The following RASAL2 variants were observed in gnomAD, a reference collection of about 807,000 sequenced individuals.
RASAL2 encodes the protein ras GTPase-activating protein nGAP.
In RASAL2, 58 loss-of-function variants were observed where a neutral mutation model predicts 128.9. The observed-to-expected ratio is 0.45, with a 90% confidence interval of 0.36 to 0.56. The LOEUF is 0.56. RASAL2 is among the 20% of genes least tolerant of loss of function. The probability of loss-of-function intolerance (pLI) is 0.00; values close to 1 mark genes in which losing one functional copy is unlikely to be tolerated. For missense variants in RASAL2, 1,360 were observed against 1,601.6 expected (o/e 0.85, Z 2.57); for synonymous variants, 561 against 580.8 (o/e 0.97, Z 0.49).
At chr1:178,156,764 A>T (rs1339349328) in intron 1 of RASAL2, among the ~76,000 whole-genome samples, 5 of 152,196 alleles carry the variant, frequency 3.3e-5, no homozygotes, top group Admixed American at 2.6e-4. Context: ...ATTCTTTTTT[A>T]AAAAACACAG....
intron 1 of RASAL2, among the ~76,000 whole-genome samples, chr1:178,102,397 G>A (rs1291856827): frequency 6.6e-6 from 1 of 151,804 alleles, no homozygotes; most frequent in African/African-American, 2.4e-5. Flanking sequence ...CATAGCTCAT[G>A]CCCAGGTTGG....
intron 1 of RASAL2, among the ~76,000 whole-genome samples, chr1:178,171,185 A>G (rs1404160305): frequency 6.6e-6 from 1 of 151,966 alleles, no homozygotes; most frequent in Non-Finnish European, 1.5e-5. Context: ...TCCTTAAGAC[A>G]TGAGTTGAAA....
intron 3 of RASAL2, among the ~76,000 whole-genome samples, chr1:178,371,769 T>C (rs960365413): frequency 6.6e-6 from 1 of 152,178 alleles, no homozygotes; most frequent in Admixed American, 6.5e-5. Context: ...AATTTGTTCT[T>C]TTGTCTTTGT....
At chr1:178,387,545 C>G (rs1672655294) in intron 3 of RASAL2, among the ~76,000 whole-genome samples, 1 of 149,768 alleles carries the variant, frequency 6.7e-6, no homozygotes, top group Non-Finnish European at 1.5e-5. Flanking sequence ...CCACAACAGT[C>G]CCCGGAGTGT....
chr1:178,160,432 T>C (rs1571563053), intron 1 of RASAL2, among the ~76,000 whole-genome samples: 1 of 152,128 alleles, frequency 6.6e-6, no homozygotes, highest in African/African-American at 2.4e-5. Context: ...GTCAGGAGTT[T>C]GAGACCAGCC....
intron 3 of RASAL2, among the ~76,000 whole-genome samples, chr1:178,371,329 C>CACACACACAAACACACACACAAAT (rs1367870400): frequency 1.9e-4 from 26 of 140,084 alleles, no homozygotes; most frequent in Non-Finnish European, 2.4e-4. Flanking sequence ...TTCCCACACA[C>CACACACACAAACACACACACAAAT]ACACACACAC....
intron 1 of RASAL2, among the ~76,000 whole-genome samples, chr1:178,186,144 TATC>T (rs907100168): frequency 1.4e-4 from 22 of 152,144 alleles, no homozygotes; most frequent in Non-Finnish European, 2.8e-4. Flanking sequence ...TCATTTAAGT[TATC>T]ATATTTATGG....
chr1:178,445,189 G>A (rs1441273416), intron 8 of RASAL2, among the ~76,000 whole-genome samples: 1 of 151,650 alleles, frequency 6.6e-6, no homozygotes. Context: ...CATTGTGTGT[G>A]TTAGAAAGGG....
intron 1 of RASAL2, among the ~76,000 whole-genome samples, chr1:178,259,520 G>A (rs933100621): frequency 1.3e-5 from 2 of 152,168 alleles, no homozygotes; most frequent in African/African-American, 4.8e-5. Flanking sequence ...TGCTATGTTA[G>A]TTGTATCTTC....
intron 1 of RASAL2, among the ~76,000 whole-genome samples, chr1:178,134,960 A>G (rs1558073068): frequency 6.6e-6 from 1 of 152,190 alleles, no homozygotes; most frequent in Non-Finnish European, 1.5e-5. Context: ...GCTTATTGTA[A>G]GAGTATTTTA....
At position 178,235,908 on chromosome 1, in the gene RASAL2, G is replaced by A. The variant is rs116150860; in HGVS notation, c.203-47656G>A. 2.0e-3 allele frequency among the ~76,000 whole-genome samples: 305 copies of A among 152,256 alleles called. 3 individuals are homozygous for A. Among genetic ancestry groups the A allele is most frequent in the African/African-American group, 7.1e-3 (295 of 41,540 alleles). On this transcript the variant is annotated intron_variant, in intron 1 of 17. Coordinates refer to ENST00000367649, the MANE Select transcript of RASAL2 (RefSeq NM_170692.4). ...AATTAAAGTTGAATTCACTGAGTTA[G>A]CAAATTAAGTGAATTTATAGGCGAG...
Position 178,342,712 on chromosome 1 carries a change from A to G in RASAL2, c.457+42594A>G, listed in dbSNP as rs544961682. Reference sequence around the variant, plus strand: ...ATGCAAATATCTATTTTTGTAATGTATCTGTTTTACTGAAAGCAAATCGTA... The same window carrying G: ...ATGCAAATATCTATTTTTGTAATGTGTCTGTTTTACTGAAAGCAAATCGTA... On this transcript the variant is annotated intron_variant, in intron 3 of 17. Coordinates refer to ENST00000367649, the MANE Select transcript of RASAL2 (RefSeq NM_170692.4). 3.2e-4 allele frequency among the ~76,000 whole-genome samples: 48 copies of G among 152,326 alleles called. 1 individual carries two copies. The highest frequency in any genetic ancestry group is 1.1e-3 in the African/African-American group (45 of 41,586).
chr1:178,331,584 T>G (rs1054174285), intron 3 of RASAL2, among the ~76,000 whole-genome samples: 1 of 59,920 alleles, frequency 1.7e-5, no homozygotes, highest in Non-Finnish European at 3.1e-5. Flanking sequence ...TTCATGCATC[T>G]TTTTTTTTTT....
intron 3 of RASAL2, among the ~76,000 whole-genome samples, chr1:178,351,246 A>G (rs963760272): frequency 6.6e-6 from 1 of 152,202 alleles, no homozygotes; most frequent in Non-Finnish European, 1.5e-5. Flanking sequence ...TCCAAACCAT[A>G]TCATTCCACC....
At chr1:178,193,510 T>G (rs1328536586) in intron 1 of RASAL2, among the ~76,000 whole-genome samples, 1 of 152,174 alleles carries the variant, frequency 6.6e-6, no homozygotes, top group Non-Finnish European at 1.5e-5. Flanking sequence ...CATGACGCTT[T>G]GTAAAACTTA....
intron 1 of RASAL2, among the ~76,000 whole-genome samples, chr1:178,267,418 A>G (rs1166277104): frequency 1.3e-5 from 2 of 149,656 alleles, no homozygotes; most frequent in African/African-American, 4.9e-5. Context: ...TCAGTATTCA[A>G]TGTTTGTATT....
At chr1:178,415,525 G>A (rs1674696348) in intron 4 of RASAL2, among the ~76,000 whole-genome samples, 1 of 151,966 alleles carries the variant, frequency 6.6e-6, no homozygotes, top group African/African-American at 2.4e-5. Flanking sequence ...ATGAGCTTGA[G>A]GAATCTCTAT....
At chr1:178,349,562 A>AAAT (rs1242274356) in intron 3 of RASAL2, among the ~76,000 whole-genome samples, 1 of 152,114 alleles carries the variant, frequency 6.6e-6, no homozygotes, top group Non-Finnish European at 1.5e-5. Flanking sequence ...TTCATCATGT[A>AAAT]AATAATAGAA....
chr1:178,216,035 C>A (rs192014882), intron 1 of RASAL2, among the ~76,000 whole-genome samples: 9 of 152,252 alleles, frequency 5.9e-5, no homozygotes, highest in Non-Finnish European at 1.3e-4. Flanking sequence ...AATTAAAATG[C>A]TCTTGAGACT....
Sources: gnomAD v4.1 joint callset for allele counts (sites outside exome capture counted in the v4.1 genomes callset) on GRCh38, gnomAD v4.1.1 for gene constraint, MANE v1.5 for transcripts, NCBI Gene and HGNC (gene_info 2026-07-23, HGNC 2026-07-21) for gene names.